The following AARS2 variants were observed in gnomAD, a reference collection of about 807,000 sequenced individuals.
AARS2 encodes the protein alanine--tRNA ligase, mitochondrial.
Under a neutral mutation model 119.7 loss-of-function variants are expected in AARS2, and 78 were observed. That is an observed-to-expected ratio of 0.65 (90% CI 0.54 to 0.79). The LOEUF (loss-of-function observed/expected upper bound fraction) is 0.79. Among genes scored for constraint, AARS2 ranks in the 30% least tolerant of loss-of-function variants. The pLI is 0.00. For synonymous variants in AARS2, 502 were observed against 526.3 expected (o/e 0.95, Z 0.63); for missense variants, 1,157 against 1,291.3 (o/e 0.90, Z 1.59).
chr6:44,310,532 G>GC, intron 4 of AARS2, 89 bp from the exon 5 acceptor site: 1 of 1,535,172 alleles, frequency 6.5e-7, no homozygotes, highest in East Asian at 2.3e-5. Context: ...ATGGGGGGGG[G>GC]CCCAAGGGAG....
Position 44,310,042 on chromosome 6 carries a change from A to T in AARS2, c.894+257T>A, listed in dbSNP as rs141196093. On this transcript the variant is annotated intron_variant, in intron 5 of 21. Coordinates refer to ENST00000244571, the MANE Select transcript of AARS2 (RefSeq NM_020745.4). Reference sequence around the variant, plus strand: ...TCCTGCTTACTGCTGTGTCTTCTGTACCAAACACAAAGGATTTAACATAAA... The same window carrying T: ...TCCTGCTTACTGCTGTGTCTTCTGTTCCAAACACAAAGGATTTAACATAAA... 3.6e-3 allele frequency among the ~76,000 whole-genome samples: 552 copies of T among 152,292 alleles called. 3 individuals carry two copies. Among genetic ancestry groups the T allele is most frequent in the African/African-American group, 0.013 (529 of 41,548 alleles).
In AARS2 at chr6:44,300,479, G is replaced by A. The variant is rs916107096; in HGVS notation, c.*68C>T. 2 of 1,606,596 alleles carry A rather than the reference G, an allele frequency of 1.2e-6. No individual in the cohort carries two copies. Among genetic ancestry groups the A allele is most frequent in the African/African-American group, 2.7e-5 (2 of 74,802 alleles). On this transcript the variant is annotated 3_prime_UTR_variant, in exon 22 of 22. Coordinates refer to ENST00000244571, the MANE Select transcript of AARS2 (RefSeq NM_020745.4). The stretch of plus-strand genomic sequence containing the variant: ...AGTCCTCGCTTCAGCATGTGGGAAG[G>A]TTCTGCTGGCTCCTTCAGGGCTCCT...
At chr6:44,312,580 C>T (rs947842225) in intron 1 of AARS2, among the ~76,000 whole-genome samples, 3 of 152,178 alleles carry the variant, frequency 2.0e-5, no homozygotes, top group African/African-American at 4.8e-5. Context: ...GTCTCAGCTT[C>T]TTCAACCACA....
At chr6:44,311,676 G>A in intron 2 of AARS2, 141 bp from the exon 3 acceptor site, 1 of 1,063,972 alleles carries the variant, frequency 9.4e-7, no homozygotes, top group Non-Finnish European at 1.4e-6. Flanking sequence ...AATAAGCCAT[G>A]AACCATTACT....
chr6:44,299,433 ACT>A lies in AARS2; in HGVS notation c.*1112_*1113del, dbSNP rs1491429042. On this transcript the variant is annotated 3_prime_UTR_variant, in exon 22 of 22. Transcript: ENST00000244571. ...CCTGGGAGGCTGAGGCATAAAGATT[ACT>A]TTTTTTTTTTTTTGTAGACAGGGTC... is the stretch of plus-strand genomic sequence containing the variant. 1.3e-5 allele frequency among the ~76,000 whole-genome samples: 2 copies of A among 148,512 alleles called. No homozygotes were observed. Among genetic ancestry groups the A allele is most frequent in the Non-Finnish European group, 3.0e-5 (2 of 67,198 alleles).
intron 7 of AARS2, among the ~76,000 whole-genome samples, 157 bp downstream of exon 7, chr6:44,306,766 G>GC (rs1328516812): frequency 1.3e-5 from 2 of 152,178 alleles, no homozygotes; most frequent in African/African-American, 4.8e-5. Context: ...CTTCTTGTAA[G>GC]CAAGGACAGC....
In AARS2 at chr6:44,310,980, C is replaced by T. The variant is rs74709196; in HGVS notation, c.749+14G>A. ...CTAGTCAGGGATTCTCATCCTGCTT[C>T]AGCACCCTATTACCTGTTGTGTTGC... is the stretch of plus-strand genomic sequence containing the variant. On this transcript the variant is annotated intron_variant, in intron 4 of 21. Coordinates refer to ENST00000244571, the MANE Select transcript of AARS2 (RefSeq NM_020745.4). The T allele has an allele frequency of 1.6e-3, 2,523 of 1,613,764 alleles. 32 individuals carry two copies. The African/African-American group carries it at 0.031, about 20-fold the overall frequency.
At position 44,300,619 on chromosome 6, in the gene AARS2, T is replaced by C; in HGVS notation, c.2886A>G (p.Gln962=). Residue 962 remains glutamine (Q), a synonymous_variant, in exon 22 of 22, where the codon CAA becomes CAG. Coordinates refer to ENST00000244571, the MANE Select transcript of AARS2 (RefSeq NM_020745.4). ...GKAWGSRVVA[Q]GTGSTTDLEA... is the part of the protein sequence containing the mutation. ...CCAGGTCAGTAGTGCTTCCGGTGCC[T>C]TGGGCCACCACTCGTGAGCCCCACG... The C allele has an allele frequency of 6.2e-7, 1 of 1,614,020 alleles. No homozygotes were observed. Among genetic ancestry groups the C allele is most frequent in the Non-Finnish European group, 8.5e-7 (1 of 1,180,026 alleles).
intron 12 of AARS2, 23 bp from the exon 13 acceptor site, chr6:44,304,556 G>T (rs768426837): frequency 6.2e-7 from 1 of 1,614,074 alleles, no homozygotes; most frequent in Admixed American, 1.7e-5. Flanking sequence ...AGTGGTCAAG[G>T]TGCCTGTAGC....
At chr6:44,302,582 C>T (rs1403342635) in intron 17 of AARS2, 69 bp from the exon 18 acceptor site, 1 of 1,607,052 alleles carries the variant, frequency 6.2e-7, no homozygotes, top group African/African-American at 1.3e-5. Context: ...CAACTCATTA[C>T]TGGTCAGGGA....
chr6:44,307,708 T>G lies in AARS2; in HGVS notation c.895-314A>C. 9.7e-6 allele frequency: 4 copies of G among 412,282 alleles called. No homozygotes were observed. Among genetic ancestry groups the G allele is most frequent in the East Asian group, 4.8e-5 (1 of 20,902 alleles). The allele number at this position is 412,282 out of a possible 1,614,324, so 25.5% of individuals were successfully genotyped here. ...CCCATTCCAGGAGGTATTAGCATGC[T>G]TGCTTTAAAGAAGAAGAAGCTGAGG... On this transcript the variant is annotated intron_variant, in intron 5 of 21. Transcript: ENST00000244571. The surrounding 1 kb of genome is among the most constrained non-coding windows in gnomAD (Gnocchi z 4.4).
Position 44,312,252 on chromosome 6 carries a change from G to A in AARS2, c.255C>T (p.Ile85=). The A allele has an allele frequency of 1.2e-6, 2 of 1,613,876 alleles. No homozygotes were observed. Among genetic ancestry groups the A allele is most frequent in the South Asian group, 2.2e-5 (2 of 91,078 alleles). The change falls in exon 2 of 22, where the codon ATC becomes ATT. Residue 85 remains isoleucine (I), a synonymous_variant. Transcript: ENST00000244571. ...TTCGTGGATCCACGGTGCCCAGAAAGATTGGCTTGAACTGGAAGCACATAG... is the reference window on the plus strand; with the variant it reads ...TTCGTGGATCCACGGTGCCCAGAAAAATTGGCTTGAACTGGAAGCACATAG... ...VNAGMNQFKP[I]FLGTVDPRSE...
chr6:44,304,900 C>T (rs1490521890), intron 11 of AARS2, 83 bp from the exon 12 acceptor site: 47 of 1,608,264 alleles, frequency 2.9e-5, no homozygotes, highest in Non-Finnish European at 3.9e-5. Context: ...CCAACAAGCA[C>T]CCCCGCTGGC....
intron 9 of AARS2, 116 bp downstream of exon 9, chr6:44,306,164 A>G (rs1785826083): frequency 2.0e-6 from 2 of 1,001,982 alleles, no homozygotes; most frequent in Admixed American, 3.5e-5. Flanking sequence ...AGAAAGGAAC[A>G]TTGGGAAGAG....
Position 44,306,543 on chromosome 6 carries a change from T to G in AARS2, c.1150-11A>C. On this transcript the variant is annotated splice_polypyrimidine_tract_variant and intron_variant, in intron 7 of 21. Transcript: ENST00000244571. ...TGGATAAGCATCTCCCTGGGGGAGG[T>G]GGAGAGGGCTGAGGAGGTGTGAAAG... 6.2e-7 allele frequency: 1 copy of G among 1,613,648 alleles called. No homozygotes were observed. The highest frequency in any genetic ancestry group is 8.5e-7 in the Non-Finnish European group (1 of 1,179,900).
In AARS2 at chr6:44,305,408, C is replaced by T. The variant is rs1785756843; in HGVS notation, c.1435-210G>A. 6.6e-6 allele frequency among the ~76,000 whole-genome samples: 1 copy of T among 152,210 alleles called. No homozygotes were observed. The highest frequency in any genetic ancestry group is 1.5e-5 in the Non-Finnish European group (1 of 68,022). On this transcript the variant is annotated intron_variant, in intron 10 of 21. Coordinates refer to ENST00000244571, the MANE Select transcript of AARS2 (RefSeq NM_020745.4). The surrounding 1 kb of genome is among the most constrained non-coding windows in gnomAD (Gnocchi z 4.6). ...CTCCTCGGGATTAGGCCTTCCTGCC[C>T]ACTGCTGCCCCTGGAGGGCCCCTCT...
At chr6:44,310,181 T>C in intron 5 of AARS2, 118 bp downstream of exon 5, 1 of 1,364,678 alleles carries the variant, frequency 7.3e-7, no homozygotes, top group Non-Finnish European at 1.0e-6. Flanking sequence ...GAATTCTTGG[T>C]TGGTTATTGT....
intron 1 of AARS2, 39 bp downstream of exon 1, chr6:44,313,042 C>G: frequency 2.5e-6 from 4 of 1,610,730 alleles, no homozygotes; most frequent in Non-Finnish European, 3.4e-6. Context: ...CCAGAAAACT[C>G]ACGAACTCCG....
chr6:44,313,260 A>C lies in AARS2; in HGVS notation c.64T>G (p.Trp22Gly). ...AGCGGCCGATGGCTGAGGCCCCGCC[A>C]TGCGGGCGACCTTCGAATGGCCCGC... ...LRRAIRRSPA[W>G]RGLSHRPLSS... Residue 22 changes from tryptophan (W) to glycine (G), a missense_variant, in exon 1 of 22, where the codon TGG (tryptophan) becomes GGG (glycine). Transcript: ENST00000244571. 1.9e-6 allele frequency: 3 copies of C among 1,596,624 alleles called. No individual in the cohort carries two copies. The highest frequency in any genetic ancestry group is 2.6e-6 in the Non-Finnish European group (3 of 1,175,316).
Sources: allele counts gnomAD v4.1 joint callset (sites outside exome capture counted in the v4.1 genomes callset), GRCh38; gene constraint gnomAD v4.1.1; non-coding constraint Gnocchi (gnomAD v3.1); transcripts MANE v1.5; gene names NCBI Gene and HGNC (gene_info 2026-07-23, HGNC 2026-07-21).